The following HPSE2 variants were observed in gnomAD, a reference collection of about 807,000 sequenced individuals.
The protein encoded by HPSE2 is inactive heparanase-2.
A neutral mutation model predicts 60.5 loss-of-function variants in HPSE2; 38 were observed. That is an observed-to-expected ratio of 0.63 (90% confidence interval 0.48 to 0.82). HPSE2 has a LOEUF of 0.82. Ranked by LOEUF, HPSE2 falls within the 40% of genes least tolerant of loss-of-function variation. The pLI, the probability that HPSE2 is intolerant of heterozygous loss-of-function variation, is 0.00. For synonymous variants in HPSE2, 295 were observed against 293.2 expected, an observed-to-expected ratio of 1.01 and a Z score of -0.06; for missense variants, 713 against 740.4, an observed-to-expected ratio of 0.96 and a Z score of 0.43.
chr10:99,177,977 C>T (rs553053894), intron 2 of HPSE2, among the ~76,000 whole-genome samples: 4 of 152,046 alleles, frequency 2.6e-5, no homozygotes, highest in Admixed American at 2.6e-4. Context: ...CACTGAAAAC[C>T]ATACAACTAC....
intron 3 of HPSE2, among the ~76,000 whole-genome samples, chr10:99,094,106 GA>G (rs1299894546): frequency 6.6e-6 from 1 of 151,986 alleles, no homozygotes; most frequent in Non-Finnish European, 1.5e-5. Flanking sequence ...TTATTTTCCA[GA>G]AATTTTATAA....
chr10:98,496,110 T>C (rs1252836), intron 9 of HPSE2, among the ~76,000 whole-genome samples: 5,944 of 152,052 alleles, frequency 0.039, 382 homozygotes, highest in African/African-American at 0.13. Context: ...GTAGGCTGCC[T>C]CTGTGCCAAG....
At chr10:98,960,710 T>TTG (rs1955639182) in intron 3 of HPSE2, among the ~76,000 whole-genome samples, 1 of 55,174 alleles carries the variant, frequency 1.8e-5, no homozygotes, top group Non-Finnish European at 3.6e-5. Flanking sequence ...TCTTTTTTTT[T>TTG]TTTTTTTTTT....
At chr10:99,306,709 T>C in the HPSE2 span, among the ~76,000 whole-genome samples, 1 of 152,070 alleles carries the variant, frequency 6.6e-6, no homozygotes, top group Non-Finnish European at 1.5e-5. Context: ...TTTTTTTGTT[T>C]GTTTGTTTTT....
intron 3 of HPSE2, among the ~76,000 whole-genome samples, chr10:99,120,471 A>T (rs1375054802): frequency 1.7e-5 from 2 of 121,136 alleles, no homozygotes; most frequent in African/African-American, 5.1e-5. Context: ...AATAATAGCC[A>T]TTCTAATTTT....
intron 9 of HPSE2, among the ~76,000 whole-genome samples, chr10:98,566,327 T>A (rs1401877103): frequency 6.6e-6 from 1 of 152,178 alleles, no homozygotes; most frequent in Non-Finnish European, 1.5e-5. Flanking sequence ...TAACATGTGA[T>A]CTTCTTCGTG....
intron 6 of HPSE2, among the ~76,000 whole-genome samples, chr10:98,690,223 C>G (rs1204046197): frequency 6.6e-6 from 1 of 152,132 alleles, no homozygotes; most frequent in East Asian, 1.9e-4. Flanking sequence ...TTCTAGTTAC[C>G]TCCCGATGCA....
At chr10:98,908,976 TG>T (rs1449058591) in intron 3 of HPSE2, among the ~76,000 whole-genome samples, 1 of 152,072 alleles carries the variant, frequency 6.6e-6, no homozygotes, top group African/African-American at 2.4e-5. Flanking sequence ...TGATAGAATG[TG>T]GGTGGGAATG....
intron 9 of HPSE2, among the ~76,000 whole-genome samples, chr10:98,608,886 GC>G (rs1386139575): frequency 6.6e-6 from 1 of 151,818 alleles, no homozygotes; most frequent in African/African-American, 2.4e-5. Context: ...TGGGTTTTGT[GC>G]CTCCCCCGCC....
intron 3 of HPSE2, among the ~76,000 whole-genome samples, chr10:98,937,349 A>G (rs1954831717): frequency 1.4e-5 from 2 of 144,658 alleles, no homozygotes; most frequent in Admixed American, 1.4e-4. Flanking sequence ...AAGGGGTGAC[A>G]GACGGCACCT....
intron 3 of HPSE2, among the ~76,000 whole-genome samples, chr10:99,009,138 G>A (rs1364375290): frequency 6.7e-6 from 1 of 148,912 alleles, no homozygotes; most frequent in Admixed American, 6.9e-5. Flanking sequence ...AGACACAGTG[G>A]CTCAACTATA....
intron 11 of HPSE2, among the ~76,000 whole-genome samples, chr10:98,477,816 G>T (rs1018627789): frequency 6.6e-6 from 1 of 152,256 alleles, no homozygotes; most frequent in Admixed American, 6.5e-5. Flanking sequence ...AAAGGTGAGT[G>T]GTGGGTGAGC....
chr10:98,985,712 T>C (rs1283900809), intron 3 of HPSE2, among the ~76,000 whole-genome samples: 1 of 151,740 alleles, frequency 6.6e-6, no homozygotes, highest in Non-Finnish European at 1.5e-5. Context: ...GGATAAAGAG[T>C]AAACACCCAT....
chr10:98,874,017 A>C (rs908008774), intron 3 of HPSE2, among the ~76,000 whole-genome samples: 1 of 151,968 alleles, frequency 6.6e-6, no homozygotes, highest in Non-Finnish European at 1.5e-5. Flanking sequence ...TCTTCTTTTG[A>C]AAAGTGTCTG....
intron 3 of HPSE2, among the ~76,000 whole-genome samples, chr10:98,963,062 C>T (rs2135240707): frequency 6.6e-6 from 1 of 152,246 alleles, no homozygotes; most frequent in Middle Eastern, 3.4e-3. Context: ...TAGTGGTAAT[C>T]ACTTTAAGGA....
At position 98,698,324 on chromosome 10, in the gene HPSE2, G is replaced by T. The variant is rs1353433795; in HGVS notation, c.957-4377C>A. On this transcript the variant is annotated intron_variant, in intron 5 of 11. Coordinates refer to ENST00000370552, the MANE Select transcript of HPSE2 (RefSeq NM_021828.5). ...CACAGTGCAATCAAACTAGAACTCA[G>T]GATTAAGAAACTCACTCAAAACCAC... is the stretch of plus-strand genomic sequence containing the variant. Among the ~76,000 whole-genome samples the T allele has an allele frequency of 4.0e-5, 6 of 151,196 alleles. No homozygotes were observed. The East Asian group carries it at 9.6e-4, about 24-fold the overall frequency.
chr10:99,023,939 G>C (rs1274880891), intron 3 of HPSE2, among the ~76,000 whole-genome samples: 1 of 152,182 alleles, frequency 6.6e-6, no homozygotes, highest in Non-Finnish European at 1.5e-5. Context: ...ACACACCAAA[G>C]AACATCTATA....
upstream of HPSE2, among the ~76,000 whole-genome samples, chr10:99,240,374 G>A (rs573994067): frequency 8.7e-5 from 13 of 149,870 alleles, no homozygotes; most frequent in Non-Finnish European, 1.8e-4. Flanking sequence ...ATTGCAAGAT[G>A]TACAGCTAAT....
intron 3 of HPSE2, among the ~76,000 whole-genome samples, chr10:98,961,102 T>C (rs867833340): frequency 6.2e-5 from 2 of 32,264 alleles, no homozygotes; most frequent in African/African-American, 2.5e-4. Context: ...TAGTATTCCA[T>C]GGTGTATATG....
Sources: allele counts gnomAD v4.1 joint callset (sites outside exome capture counted in the v4.1 genomes callset), GRCh38; gene constraint gnomAD v4.1.1; transcripts MANE v1.5; gene names NCBI Gene and HGNC (gene_info 2026-07-23, HGNC 2026-07-21).